Variants in GDAP1 observed in about 807,000 individuals in gnomAD.
GDAP1 encodes ganglioside-induced differentiation-associated protein 1.
In GDAP1, 34 loss-of-function variants were observed where a neutral mutation model predicts 40.1. That is an observed-to-expected ratio of 0.85 (90% confidence interval 0.64 to 1.13). The LOEUF (loss-of-function observed/expected upper bound fraction) is 1.13, where lower values mean the gene tolerates loss of function less well. Ranked by LOEUF, GDAP1 falls within the 50% of genes most tolerant of loss-of-function variation. GDAP1 has a pLI of 0.00. For synonymous variants in GDAP1, 170 were observed against 157.4 expected (o/e 1.08, Z -0.60); for missense variants, 374 against 433.7 (o/e 0.86, Z 1.22).
chr8:74,380,514 TC>T (rs1216438179), intron 2 of GDAP1, among the ~76,000 whole-genome samples: 1 of 150,290 alleles, frequency 6.7e-6, no homozygotes, highest in African/African-American at 2.4e-5. Context: ...TTTTTTTTTT[TC>T]ACCAAAGGGG....
At chr8:74,409,378 G>T (rs950334681) in intron 2 of GDAP1, among the ~76,000 whole-genome samples, 3 of 149,638 alleles carry the variant, frequency 2.0e-5, no homozygotes, top group Non-Finnish European at 4.4e-5. Context: ...CTGAGACAGA[G>T]TCTTACTCTG....
rs142771587 is a variant in GDAP1 at position 74,472,705 on chromosome 8, C to CTTTCTTTTCTTTTCTTTTCT, written c.166-15934_166-15915dup. Among the ~76,000 whole-genome samples, 1,136 of 144,652 alleles carry CTTTCTTTTCTTTTCTTTTCT rather than the reference C, an allele frequency of 7.9e-3. 6 individuals are homozygous for CTTTCTTTTCTTTTCTTTTCT. Among genetic ancestry groups the CTTTCTTTTCTTTTCTTTTCT allele is most frequent in the African/African-American group, 9.8e-3 (370 of 37,764 alleles). The allele number at this position is 144,652 out of a possible 152,430, so 94.9% of individuals were successfully genotyped here. On this transcript the variant is annotated intron_variant, in intron 2 of 2. Coordinates refer to the GDAP1 transcript ENST00000523640. ...AATGATCAGTGATATCGATATTGAG[C>CTTTCTTTTCTTTTCTTTTCT]TTTCTTTTCTTTTCTTTTCTTTTCT...
At chr8:74,445,927 G>A (rs531650450) in intron 2 of GDAP1, among the ~76,000 whole-genome samples, 1 of 152,304 alleles carries the variant, frequency 6.6e-6, no homozygotes, top group Non-Finnish European at 1.5e-5. Context: ...GGAGCAGAGG[G>A]ATGAAGTGAA....
At chr8:74,402,180 G>A (rs1399998820) in intron 2 of GDAP1, among the ~76,000 whole-genome samples, 8 of 150,540 alleles carry the variant, frequency 5.3e-5, no homozygotes, top group African/African-American at 2.0e-4. Context: ...AGGCAGGCAG[G>A]CCTCCTTGAG....
intron 2 of GDAP1, among the ~76,000 whole-genome samples, chr8:74,410,819 G>A (rs1805699870): frequency 6.7e-6 from 1 of 150,236 alleles, no homozygotes; most frequent in Non-Finnish European, 1.5e-5. Context: ...TTATGGCCCT[G>A]TATTGGTAAT....
intron 2 of GDAP1, among the ~76,000 whole-genome samples, chr8:74,479,952 T>C (rs967366232): frequency 2.6e-5 from 4 of 151,578 alleles, no homozygotes; most frequent in Non-Finnish European, 4.4e-5. Flanking sequence ...CCAGTTCCCA[T>C]GGTGATCCCT....
chr8:74,371,399 G>A (rs1432925749), downstream of GDAP1, among the ~76,000 whole-genome samples: 11 of 152,274 alleles, frequency 7.2e-5, no homozygotes, highest in African/African-American at 2.6e-4. Context: ...GGTGGCTCAC[G>A]CCTGTAATCC....
chr8:74,463,052 A>G (rs1197172907), intron 2 of GDAP1, among the ~76,000 whole-genome samples: 1 of 128,188 alleles, frequency 7.8e-6, no homozygotes, highest in African/African-American at 3.0e-5. Context: ...TGCAAGTGAT[A>G]TGTAATTAAG....
At chr8:74,392,397 G>A (rs1419182987) in intron 2 of GDAP1, among the ~76,000 whole-genome samples, 3 of 152,146 alleles carry the variant, frequency 2.0e-5, no homozygotes, top group Non-Finnish European at 4.4e-5. Context: ...GAAAACGAGA[G>A]AAGAATATAA....
chr8:74,416,889 C>G (rs1334149868), intron 2 of GDAP1, among the ~76,000 whole-genome samples: 2 of 148,570 alleles, frequency 1.3e-5, no homozygotes, highest in Non-Finnish European at 2.9e-5. Flanking sequence ...CCAGCACTTT[C>G]CACTTATGAA....
intron 2 of GDAP1, among the ~76,000 whole-genome samples, chr8:74,384,576 A>G (rs1809998348): frequency 6.6e-6 from 1 of 152,196 alleles, no homozygotes; most frequent in African/African-American, 2.4e-5. Flanking sequence ...ATTGAGTCTT[A>G]CCAACATTTT....
At chr8:74,400,937 G>A (rs533359479) in intron 2 of GDAP1, among the ~76,000 whole-genome samples, 3 of 149,826 alleles carry the variant, frequency 2.0e-5, no homozygotes, top group Admixed American at 2.0e-4. Context: ...TAGTCTGATG[G>A]GCTTCCCTTT....
At chr8:74,433,556 A>G (rs965947482) in intron 2 of GDAP1, among the ~76,000 whole-genome samples, 3 of 152,234 alleles carry the variant, frequency 2.0e-5, no homozygotes, top group South Asian at 2.1e-4. Context: ...ATGAATGAAC[A>G]ATTTCATCCT....
intron 2 of GDAP1, among the ~76,000 whole-genome samples, chr8:74,389,597 C>A (rs747755170): frequency 1.3e-5 from 2 of 152,164 alleles, no homozygotes; most frequent in Non-Finnish European, 2.9e-5. Context: ...TTCTCTCTGG[C>A]TGCCCTTAAT....
Position 74,408,154 on chromosome 8 carries a change from G to C in GDAP1, c.165+56833G>C, listed in dbSNP as rs914538451. Among the ~76,000 whole-genome samples, 26 of 150,162 alleles carry C rather than the reference G, an allele frequency of 1.7e-4. 2 individuals are homozygous for C. Among genetic ancestry groups the C allele is most frequent in the African/African-American group, 6.6e-4 (26 of 39,526 alleles). On this transcript the variant is annotated intron_variant, in intron 2 of 2. Coordinates refer to the GDAP1 transcript ENST00000523640. The stretch of plus-strand genomic sequence containing the variant: ...GGCAAAAATTTCACACTCGAGGCCT[G>C]TATGTTCCAAAATAAGAAAAGAGGA...
At chr8:74,476,360 T>C (rs1219204005) in intron 2 of GDAP1, among the ~76,000 whole-genome samples, 5 of 152,184 alleles carry the variant, frequency 3.3e-5, no homozygotes, top group Non-Finnish European at 5.9e-5. Context: ...ATCTTGTTTG[T>C]GTGGTTGCTT....
Position 74,366,794 on chromosome 8 carries a change from G to T in GDAP1, c.*2427G>T, listed in dbSNP as rs1209208189. On this transcript the variant is annotated 3_prime_UTR_variant, in exon 6 of 6. Transcript: ENST00000220822. ...ACCAGCGTTGTAGATTTTTGGTGTT[G>T]TTGAATGCAGTAGAGAGACCAAGAC... 2.2e-6 allele frequency: 1 copy of T among 453,854 alleles called. No homozygotes were observed. Among genetic ancestry groups the T allele is most frequent in the East Asian group, 6.9e-5 (1 of 14,396 alleles). 28.1% of individuals were successfully genotyped at this position (453,854 alleles called of 1,614,324 possible).
rs1437263225 is a variant in GDAP1 at position 74,366,317 on chromosome 8, A to AC, written c.*1950_*1951insC. On this transcript the variant is annotated 3_prime_UTR_variant, in exon 6 of 6. Coordinates refer to ENST00000220822, the MANE Select transcript of GDAP1 (RefSeq NM_018972.4). The stretch of plus-strand genomic sequence containing the variant: ...CTGTTTATCCAGTAGACTAAGATTG[A>AC]GTGTTCTTTTTGTTCAGCAACTCTT... The AC allele has an allele frequency of 2.2e-6, 1 of 454,454 alleles. No homozygotes were observed. Among genetic ancestry groups the AC allele is most frequent in the Non-Finnish European group, 4.4e-6 (1 of 226,772 alleles). The allele number at this position is 454,454 out of a possible 1,614,324, so 28.2% of individuals were successfully genotyped here. A position where few individuals can be genotyped will look rare whatever the true frequency, so the allele number is the denominator to read the frequency against.
chr8:74,404,758 T>C (rs4367527), intron 2 of GDAP1, among the ~76,000 whole-genome samples: 72,315 of 149,178 alleles, frequency 0.48, 18,739 homozygotes, highest in Middle Eastern at 0.55. Context: ...CCTTCCCATC[T>C]GCTTCTCTCA....
Sources: allele counts gnomAD v4.1 joint callset (sites outside exome capture counted in the v4.1 genomes callset), GRCh38; gene constraint gnomAD v4.1.1; transcripts MANE v1.5; gene names NCBI Gene and HGNC (gene_info 2026-07-23, HGNC 2026-07-21).